Variants in OTUD7A observed in about 807,000 individuals in gnomAD.
OTUD7A encodes the protein OTU domain-containing protein 7A.
A neutral mutation model predicts 65.7 loss-of-function variants in OTUD7A; 12 were observed. The ratio of observed to expected loss-of-function variants is 0.18; its 90% confidence interval spans 0.12 to 0.30. The LOEUF is 0.30. OTUD7A is among the 10% of genes least tolerant of loss of function. The probability of loss-of-function intolerance (pLI) is 1.00; values close to 1 mark genes in which losing one functional copy is unlikely to be tolerated. For synonymous variants in OTUD7A, 641 were observed against 586.3 expected, an observed-to-expected ratio of 1.09 and a Z score of -1.35; for missense variants, 1,148 against 1,304.8, an observed-to-expected ratio of 0.88 and a Z score of 1.85.
chr15:31,679,726 T>C (rs1248339307), intron 1 of OTUD7A, among the ~76,000 whole-genome samples: 3 of 152,214 alleles, frequency 2.0e-5, no homozygotes, highest in African/African-American at 7.2e-5. Flanking sequence ...ATTAAACCTC[T>C]TTCCTTTATA....
At chr15:31,668,378 T>G (rs1184971013) in intron 1 of OTUD7A, among the ~76,000 whole-genome samples, 1 of 152,236 alleles carries the variant, frequency 6.6e-6, no homozygotes, top group African/African-American at 2.4e-5. Context: ...TTGGATTGGA[T>G]TAATTCAAAG....
At chr15:31,825,477 T>TA (rs1163403128) in intron 1 of OTUD7A, among the ~76,000 whole-genome samples, 4 of 152,212 alleles carry the variant, frequency 2.6e-5, no homozygotes, top group African/African-American at 9.6e-5. Flanking sequence ...AGGATTCAGT[T>TA]ATCTCCCACT....
chr15:31,621,188 T>C (rs899190298), intron 3 of OTUD7A, among the ~76,000 whole-genome samples: 3 of 152,082 alleles, frequency 2.0e-5, no homozygotes, highest in Non-Finnish European at 2.9e-5. Context: ...TACTTCCAAT[T>C]ACGTGGTCAA....
At chr15:31,612,515 A>G (rs1027979946) in intron 3 of OTUD7A, among the ~76,000 whole-genome samples, 3 of 152,220 alleles carry the variant, frequency 2.0e-5, no homozygotes, top group Admixed American at 6.5e-5. Context: ...CCAAGCGGAT[A>G]ATCAAATCAA....
At chr15:31,670,920 G>A (rs1260098251) in intron 1 of OTUD7A, among the ~76,000 whole-genome samples, 12 of 152,028 alleles carry the variant, frequency 7.9e-5, no homozygotes, top group African/African-American at 1.7e-4. Context: ...GCATGAACCC[G>A]GGAGGCGGAG....
chr15:31,563,883 C>G (rs954018338), intron 4 of OTUD7A, among the ~76,000 whole-genome samples: 1 of 151,784 alleles, frequency 6.6e-6, no homozygotes, highest in Non-Finnish European at 1.5e-5. Context: ...TTCCCCGACT[C>G]TCATCTGGAG....
chr15:31,752,938 C>T (rs1255553408), intron 1 of OTUD7A, among the ~76,000 whole-genome samples: 2 of 152,216 alleles, frequency 1.3e-5, no homozygotes, highest in African/African-American at 2.4e-5. Context: ...ATGGTGATTT[C>T]GTTTTAAGAC....
chr15:31,672,095 CGTT>C (rs1239057897), intron 1 of OTUD7A, among the ~76,000 whole-genome samples: 4 of 152,040 alleles, frequency 2.6e-5, no homozygotes, highest in Non-Finnish European at 5.9e-5. Context: ...TATGTGTAAT[CGTT>C]GTCAGGCTTT....
intron 3 of OTUD7A, among the ~76,000 whole-genome samples, chr15:31,645,626 A>C (rs764994859): frequency 6.6e-6 from 1 of 152,256 alleles, no homozygotes; most frequent in Non-Finnish European, 1.5e-5. Context: ...CTTTAATATC[A>C]AATATCCAGT....
At chr15:31,630,814 T>C (rs375470250) in intron 3 of OTUD7A, among the ~76,000 whole-genome samples, 1 of 152,274 alleles carries the variant, frequency 6.6e-6, no homozygotes, top group Non-Finnish European at 1.5e-5. Flanking sequence ...GCTCTTCTTG[T>C]TGAATTGATC....
intron 1 of OTUD7A, among the ~76,000 whole-genome samples, chr15:31,820,234 A>G (rs975068905): frequency 6.6e-6 from 1 of 152,230 alleles, no homozygotes; most frequent in African/African-American, 2.4e-5. Flanking sequence ...GACTGTCTAT[A>G]AGATGACTTC....
intron 1 of OTUD7A, among the ~76,000 whole-genome samples, chr15:31,789,379 T>C (rs1567023663): frequency 1.3e-5 from 2 of 152,238 alleles, no homozygotes; most frequent in Non-Finnish European, 2.9e-5. Context: ...CCCCAAATTT[T>C]AACACTGTAA....
intron 1 of OTUD7A, chr15:31,689,437 C>A (rs913289542): frequency 6.8e-6 from 1 of 147,544 alleles, no homozygotes; most frequent in African/African-American, 2.5e-5. Flanking sequence ...TGGAAATGGC[C>A]CATTGTTGCC....
At chr15:31,583,040 G>C (rs1278749532) in intron 3 of OTUD7A, among the ~76,000 whole-genome samples, 1 of 149,896 alleles carries the variant, frequency 6.7e-6, no homozygotes, top group African/African-American at 2.6e-5. Flanking sequence ...AAAGCAGTAT[G>C]CTGGAAAGTG....
chr15:31,514,550 C>T (rs62004096), intron 8 of OTUD7A, among the ~76,000 whole-genome samples: 55,220 of 152,126 alleles, frequency 0.36, 10,716 homozygotes, highest in East Asian at 0.47. Flanking sequence ...TCCAACCCCA[C>T]AAAGTTAATT....
chr15:31,532,076 G>T (rs76697014), intron 5 of OTUD7A, among the ~76,000 whole-genome samples: 2,887 of 152,216 alleles, frequency 0.019, 89 homozygotes, highest in African/African-American at 0.066. Flanking sequence ...CAAGATTTAA[G>T]TAAGACCCAG....
At chr15:31,595,260 T>C (rs1289263407) in intron 3 of OTUD7A, among the ~76,000 whole-genome samples, 4 of 152,346 alleles carry the variant, frequency 2.6e-5, no homozygotes, top group Non-Finnish European at 5.9e-5. Context: ...GACCAGACCA[T>C]TGGCAGATTC....
chr15:31,615,176 C>T (rs1317784002), intron 3 of OTUD7A, among the ~76,000 whole-genome samples: 3 of 152,070 alleles, frequency 2.0e-5, no homozygotes, highest in Admixed American at 1.3e-4. Flanking sequence ...AACTAAAATG[C>T]TTCAAGTAAA....
At chr15:31,822,632 T>C (rs1896710963) in intron 1 of OTUD7A, among the ~76,000 whole-genome samples, 1 of 152,122 alleles carries the variant, frequency 6.6e-6, no homozygotes, top group African/African-American at 2.4e-5. Flanking sequence ...TGCAAAGAGA[T>C]TCACAGAAAA....
Sources: allele counts gnomAD v4.1 joint callset (sites outside exome capture counted in the v4.1 genomes callset), GRCh38; gene constraint gnomAD v4.1.1; transcripts MANE v1.5; gene names NCBI Gene and HGNC (gene_info 2026-07-23, HGNC 2026-07-21).